The following DYNC2I1 variants were observed in gnomAD, a reference collection of about 807,000 sequenced individuals.
The protein encoded by DYNC2I1 is cytoplasmic dynein 2 intermediate chain 1.
A neutral mutation model predicts 133.4 loss-of-function variants in DYNC2I1; 89 were observed. That is an observed-to-expected ratio of 0.67 (90% confidence interval 0.56 to 0.80). DYNC2I1 has a LOEUF of 0.80. Ranked by LOEUF, DYNC2I1 falls within the 30% of genes least tolerant of loss-of-function variation. The pLI is 0.00. For synonymous variants in DYNC2I1, 504 were observed against 484.3 expected (o/e 1.04, Z -0.54); for missense variants, 1,291 against 1,314.5 (o/e 0.98, Z 0.28).
the DYNC2I1 span, among the ~76,000 whole-genome samples, chr7:158,844,097 C>T: frequency 9.2e-5 from 14 of 152,258 alleles, no homozygotes; most frequent in Non-Finnish European, 1.3e-4. Context: ...TTACAGCCAT[C>T]GGTTTGGGAA....
chr7:158,848,622 C>A, the DYNC2I1 span, among the ~76,000 whole-genome samples: 1 of 152,050 alleles, frequency 6.6e-6, no homozygotes, highest in South Asian at 2.1e-4. Flanking sequence ...TTTACAACAC[C>A]ATCAAAAATT....
downstream of DYNC2I1, among the ~76,000 whole-genome samples, chr7:158,948,587 G>A (rs935607852): frequency 1.3e-5 from 2 of 152,158 alleles, no homozygotes. Flanking sequence ...CTCAGTGAAG[G>A]TGGCGCGGGG....
Position 158,945,654 on chromosome 7 carries a change from G to T in DYNC2I1, c.3076G>T (p.Ala1026Ser). Reference protein sequence around the residue: ...GSFLALVLARASGSIDIQHLK... With the variant: ...GSFLALVLARSSGSIDIQHLK... ...CTTCCTGGCCCTGGTGCTGGCCAGGGCGTCTGGCTCCATCGACATCCAGCA... is the reference window on the plus strand; with the variant it reads ...CTTCCTGGCCCTGGTGCTGGCCAGGTCGTCTGGCTCCATCGACATCCAGCA... The change falls in exon 25 of 25, where the codon GCG becomes TCG. Residue 1026 changes from alanine to serine, a missense_variant. Ala to Ser is a moderately conservative substitution (Grantham distance 99). Transcript: ENST00000407559. The surrounding 1 kb of genome is among the most constrained non-coding windows in gnomAD (Gnocchi z 4.1). 1 of 1,612,480 alleles carries T rather than the reference G, an allele frequency of 6.2e-7. No individual in the cohort carries two copies. Among genetic ancestry groups the T allele is most frequent in the Non-Finnish European group, 8.5e-7 (1 of 1,179,392 alleles).
chr7:158,846,071 G>A, the DYNC2I1 span, among the ~76,000 whole-genome samples: 1 of 152,032 alleles, frequency 6.6e-6, no homozygotes, highest in Non-Finnish European at 1.5e-5. Flanking sequence ...ACTAGCCTGG[G>A]CAACATAGTA....
rs1160690659 is a variant in DYNC2I1 at position 158,914,272 on chromosome 7, C to G, written c.1742C>G (p.Pro581Arg). Reference protein sequence around the residue: ...QRDTSDAVVMPKIDTPRLCSF... With the variant: ...QRDTSDAVVMRKIDTPRLCSF... ...GATACCTCTGATGCTGTAGTTATGC[C>G]AAAGATTGATACTCCAAGGTTATGT... is the stretch of plus-strand genomic sequence containing the variant. Residue 581 changes from proline (P) to arginine (R), a missense_variant, in exon 14 of 25, where the codon CCA becomes CGA. Coordinates refer to ENST00000407559, the MANE Select transcript of DYNC2I1 (RefSeq NM_018051.5). 3 of 1,612,808 alleles carry G rather than the reference C, an allele frequency of 1.9e-6. No homozygotes were observed. In the South Asian group the frequency reaches 3.3e-5, roughly 18 times the overall value.
downstream of DYNC2I1, among the ~76,000 whole-genome samples, chr7:158,950,462 TAC>T (rs1852023312): frequency 1.5e-5 from 2 of 137,182 alleles, no homozygotes; most frequent in South Asian, 5.4e-4. Context: ...CCAGCCTCTA[TAC>T]GATTCCAGGT....
intron 11 of DYNC2I1, among the ~76,000 whole-genome samples, chr7:158,907,343 A>G (rs912489202): frequency 5.6e-5 from 8 of 142,578 alleles, no homozygotes; most frequent in African/African-American, 2.1e-4. Context: ...GTTTAATGCA[A>G]TTTTTATAAA....
chr7:158,841,217 A>C, the DYNC2I1 span, among the ~76,000 whole-genome samples: 1 of 69,128 alleles, frequency 1.4e-5, no homozygotes, highest in Non-Finnish European at 2.7e-5. Context: ...ATATATATAT[A>C]TATATTTTAG....
In DYNC2I1 at chr7:158,926,477, C is replaced by T; in HGVS notation, c.2433+14C>T. 6 of 1,611,274 alleles carry T rather than the reference C, an allele frequency of 3.7e-6. No homozygotes were observed. The highest frequency in any genetic ancestry group is 5.1e-6 in the Non-Finnish European group (6 of 1,178,788). On this transcript the variant is annotated intron_variant, in intron 19 of 24. Coordinates refer to ENST00000407559, the MANE Select transcript of DYNC2I1 (RefSeq NM_018051.5). ...CTCAATGTATGGGTGAGTAGTGGCCCAGGCCGGGCACATGCGGGGCCTGAG... is the reference window on the plus strand; with the variant it reads ...CTCAATGTATGGGTGAGTAGTGGCCTAGGCCGGGCACATGCGGGGCCTGAG...
At chr7:158,840,886 C>T in the DYNC2I1 span, among the ~76,000 whole-genome samples, 1 of 152,084 alleles carries the variant, frequency 6.6e-6, no homozygotes, top group Non-Finnish European at 1.5e-5. Flanking sequence ...ACGGCCAGCC[C>T]ACTGGCTGGA....
At chr7:158,948,977 C>T (rs1228676889), downstream of DYNC2I1, among the ~76,000 whole-genome samples, 1 of 152,228 alleles carries the variant, frequency 6.6e-6, no homozygotes, top group Non-Finnish European at 1.5e-5. Context: ...TTCCGCTAAT[C>T]TCGGACTGAC....
At position 158,951,308 on chromosome 7, in the gene DYNC2I1, G is replaced by T. The variant is rs150920900; in HGVS notation, c.*57-5275G>T. On this transcript the variant is annotated intron_variant and NMD_transcript_variant, in intron 4 of 4. Coordinates refer to the DYNC2I1 transcript ENST00000454771. The stretch of plus-strand genomic sequence containing the variant: ...GTGGCTGTGCCTTTCCTTCTACTTG[G>T]CAGGGACCCTGCCCCCATCATCAGG... Among the ~76,000 whole-genome samples, 911 of 152,328 alleles carry T rather than the reference G, an allele frequency of 6.0e-3. 8 individuals carry two copies. Among genetic ancestry groups the T allele is most frequent in the African/African-American group, 0.021 (865 of 41,574 alleles).
intron 4 of DYNC2I1, among the ~76,000 whole-genome samples, chr7:158,952,780 C>T (rs1852094339): frequency 6.6e-6 from 1 of 151,856 alleles, no homozygotes; most frequent in African/African-American, 2.4e-5. Context: ...CCCCCAGCCG[C>T]GTCGTAAGAC....
chr7:158,919,880 C>T (rs1339782664), intron 15 of DYNC2I1, among the ~76,000 whole-genome samples: 5 of 146,164 alleles, frequency 3.4e-5, no homozygotes, highest in African/African-American at 7.7e-5. Context: ...GAGTGTGCGC[C>T]GCCCCCAGGG....
In DYNC2I1 at chr7:158,876,602, C is replaced by T; in HGVS notation, c.491-7C>T. ...GGAGTATTAAAAATATGTTTTACTTCTTGTAGTAAGTAAAGTAAGAAGTGA... is the reference window on the plus strand; with the variant it reads ...GGAGTATTAAAAATATGTTTTACTTTTTGTAGTAAGTAAAGTAAGAAGTGA... On this transcript the variant is annotated splice_polypyrimidine_tract_variant and splice_region_variant and intron_variant, in intron 3 of 24. Coordinates refer to ENST00000407559, the MANE Select transcript of DYNC2I1 (RefSeq NM_018051.5). 2 of 1,554,204 alleles carry T rather than the reference C, an allele frequency of 1.3e-6. No homozygotes were observed. The highest frequency in any genetic ancestry group is 2.3e-5 in the East Asian group (1 of 42,978).
intron 1 of DYNC2I1, among the ~76,000 whole-genome samples, chr7:158,858,532 G>GC (rs1841533275): frequency 6.6e-6 from 1 of 151,642 alleles, no homozygotes; most frequent in African/African-American, 2.4e-5. Context: ...TTTAGTTTTG[G>GC]CAAAAAAGAA....
chr7:158,849,982 C>T, the DYNC2I1 span, among the ~76,000 whole-genome samples: 1 of 152,174 alleles, frequency 6.6e-6, no homozygotes, highest in African/African-American at 2.4e-5. Context: ...GGGGGCCTGG[C>T]CCTTTTGCCC....
chr7:158,886,598 A>G (rs1420669151), intron 6 of DYNC2I1, among the ~76,000 whole-genome samples: 3 of 152,130 alleles, frequency 2.0e-5, no homozygotes, highest in Admixed American at 6.5e-5. Context: ...AACCTGAAAC[A>G]GTTTTTTAAA....
intron 21 of DYNC2I1, among the ~76,000 whole-genome samples, chr7:158,933,525 C>T (rs1232397197): frequency 1.3e-5 from 2 of 152,208 alleles, no homozygotes; most frequent in African/African-American, 4.8e-5. Flanking sequence ...CAGAAAGCCG[C>T]ACCACAGCCA....
Sources: allele counts gnomAD v4.1 joint callset (sites outside exome capture counted in the v4.1 genomes callset), GRCh38; gene constraint gnomAD v4.1.1; non-coding constraint Gnocchi (gnomAD v3.1); transcripts MANE v1.5; gene names NCBI Gene and HGNC (gene_info 2026-07-23, HGNC 2026-07-21).